NFX1: variants seen among roughly 807,000 people sequenced by gnomAD.
NFX1 encodes the protein transcriptional repressor NF-X1.
In NFX1, 69 loss-of-function variants were observed where a neutral mutation model predicts 137.2. The observed-to-expected ratio is 0.50, with a 90% confidence interval of 0.41 to 0.61. The LOEUF is 0.61. Among genes scored for constraint, NFX1 ranks in the 20% least tolerant of loss-of-function variants. NFX1 has a pLI of 0.00. For synonymous variants in NFX1, 495 were observed against 474.1 expected, an observed-to-expected ratio of 1.04 and a Z score of -0.57; for missense variants, 1,167 against 1,391.0, an observed-to-expected ratio of 0.84 and a Z score of 2.56.
chr9:33,313,598 G>A, intron 6 of NFX1, 56 bp from the exon 7 acceptor site: 1 of 1,587,560 alleles, frequency 6.3e-7, no homozygotes, highest in Non-Finnish European at 8.6e-7. Flanking sequence ...TGTTAGTTTG[G>A]TTGTCCAACA....
chr9:33,323,213 G>A (rs1293070275), intron 9 of NFX1, among the ~76,000 whole-genome samples: 1 of 152,102 alleles, frequency 6.6e-6, no homozygotes, highest in African/African-American at 2.4e-5. Context: ...CATACTGTAG[G>A]GAAAATAGAC....
At chr9:33,367,492 C>T in intron 22 of NFX1, 23 bp from the exon 23 acceptor site, 2 of 1,609,358 alleles carry the variant, frequency 1.2e-6, no homozygotes, top group Non-Finnish European at 8.5e-7. Flanking sequence ...CTTTTCAATG[C>T]TTGGTGTTTT....
chr9:33,328,854 A>C (rs990198617), intron 10 of NFX1, among the ~76,000 whole-genome samples, 176 bp downstream of exon 10: 1 of 152,180 alleles, frequency 6.6e-6, no homozygotes, highest in Non-Finnish European at 1.5e-5. Context: ...TCTACCAAAT[A>C]CAGGTGTGAT....
At chr9:33,352,333 C>T in intron 16 of NFX1, 1 of 487,124 alleles carries the variant, frequency 2.1e-6, no homozygotes. Flanking sequence ...TTGGAGTTGG[C>T]TAGGCCACAG....
intron 19 of NFX1, among the ~76,000 whole-genome samples, chr9:33,358,734 C>T (rs1400905540): frequency 7.4e-6 from 1 of 135,052 alleles, no homozygotes; most frequent in African/African-American, 2.8e-5. Context: ...ACAATTACAG[C>T]TCACTGCAGC....
intron 5 of NFX1, among the ~76,000 whole-genome samples, chr9:33,310,695 A>AT (rs1821931986): frequency 6.6e-6 from 1 of 152,144 alleles, no homozygotes; most frequent in African/African-American, 2.4e-5. Context: ...GACCAGGTAG[A>AT]TTTGAGTTCT....
intron 7 of NFX1, among the ~76,000 whole-genome samples, chr9:33,316,333 G>C (rs1439563812): frequency 6.8e-6 from 1 of 146,204 alleles, no homozygotes; most frequent in Non-Finnish European, 1.5e-5. Flanking sequence ...TTTGGATCTC[G>C]TTCTGTCATC....
intron 10 of NFX1, among the ~76,000 whole-genome samples, chr9:33,329,349 A>G (rs867407935): frequency 7.2e-5 from 11 of 152,174 alleles, no homozygotes; most frequent in Admixed American, 5.9e-4. Flanking sequence ...GGCTAATCTC[A>G]GTCTCCAGTC....
chr9:33,370,703 C>T lies in NFX1; in HGVS notation c.*725C>T, dbSNP rs1445617913. ...TTCAGTAACAATCAGTTTGGCCGTCCCCCATGATGGTAGGAAATATAGAGA... is the reference window on the plus strand; with the variant it reads ...TTCAGTAACAATCAGTTTGGCCGTCTCCCATGATGGTAGGAAATATAGAGA... On this transcript the variant is annotated 3_prime_UTR_variant, in exon 24 of 24. Transcript: ENST00000379540. 6.6e-6 allele frequency: 1 copy of T among 152,214 alleles called. No individual in the cohort carries two copies. The highest frequency in any genetic ancestry group is 1.5e-5 in the Non-Finnish European group (1 of 68,060). The allele number at this position is 152,214 out of a possible 1,614,324, so 9.4% of individuals were successfully genotyped here.
At chr9:33,322,055 G>T (rs564665266) in intron 9 of NFX1, among the ~76,000 whole-genome samples, 1 of 150,946 alleles carries the variant, frequency 6.6e-6, no homozygotes, top group Non-Finnish European at 1.5e-5. Context: ...ACAAAAATTA[G>T]CCAGGCATGG....
At chr9:33,310,196 T>C (rs1231876434) in intron 5 of NFX1, among the ~76,000 whole-genome samples, 3 of 152,230 alleles carry the variant, frequency 2.0e-5, no homozygotes, top group Admixed American at 2.0e-4. Flanking sequence ...CAGACCACTT[T>C]ATAAGCACAC....
chr9:33,363,424 C>T (rs1824073030), intron 19 of NFX1, among the ~76,000 whole-genome samples: 1 of 151,878 alleles, frequency 6.6e-6, no homozygotes, highest in East Asian at 1.9e-4. Context: ...GCTAGGATTA[C>T]AGGCACGTGC....
chr9:33,323,344 A>G lies in NFX1; in HGVS notation c.1906+4217A>G, dbSNP rs150373612. On this transcript the variant is annotated intron_variant, in intron 9 of 23. Coordinates refer to ENST00000379540, the MANE Select transcript of NFX1 (RefSeq NM_002504.6). ...ATATAGCTAAAATGTCTAGTTTCCA[A>G]GAAAAAGTATGAAATGTGCAAAGAA... is the stretch of plus-strand genomic sequence containing the variant. Among the ~76,000 whole-genome samples the G allele has an allele frequency of 2.4e-3, 373 of 152,354 alleles. 2 individuals are homozygous for G. The highest frequency in any genetic ancestry group is 8.6e-3 in the African/African-American group (357 of 41,582).
At chr9:33,291,930 A>T (rs1821177795) in intron 1 of NFX1, among the ~76,000 whole-genome samples, 1 of 152,144 alleles carries the variant, frequency 6.6e-6, no homozygotes, top group Non-Finnish European at 1.5e-5. Context: ...AACACACTGC[A>T]TTGGTGTACC....
chr9:33,359,489 C>T (rs1029825567), intron 19 of NFX1, among the ~76,000 whole-genome samples: 2 of 152,016 alleles, frequency 1.3e-5, no homozygotes, highest in Admixed American at 6.6e-5. Context: ...GTCCCAGCTA[C>T]TCAGGAGGCT....
chr9:33,312,690 G>A (rs1273479306), intron 6 of NFX1, among the ~76,000 whole-genome samples: 2 of 152,198 alleles, frequency 1.3e-5, no homozygotes, highest in East Asian at 3.8e-4. Flanking sequence ...GGCCAACATG[G>A]TGAAACCCCG....
intron 1 of NFX1, among the ~76,000 whole-genome samples, chr9:33,294,114 T>G (rs1332126844): frequency 6.6e-6 from 1 of 152,232 alleles, no homozygotes; most frequent in Non-Finnish European, 1.5e-5. Context: ...TTAGCTGGCC[T>G]TAAATTTTTG....
chr9:33,367,082 C>T (rs1311840003), intron 22 of NFX1, among the ~76,000 whole-genome samples: 1 of 152,254 alleles, frequency 6.6e-6, no homozygotes, highest in Non-Finnish European at 1.5e-5. Context: ...GCTCTTTTCT[C>T]CTTCTGTCTC....
chr9:33,323,622 A>G (rs1039554332), intron 9 of NFX1, among the ~76,000 whole-genome samples: 1 of 151,950 alleles, frequency 6.6e-6, no homozygotes, highest in Non-Finnish European at 1.5e-5. Flanking sequence ...GCATGTTGGT[A>G]TGCGCCTGTG....
Sources: gnomAD v4.1 joint callset for allele counts (sites outside exome capture counted in the v4.1 genomes callset) on GRCh38, gnomAD v4.1.1 for gene constraint, MANE v1.5 for transcripts, NCBI Gene and HGNC (gene_info 2026-07-23, HGNC 2026-07-21) for gene names.